MGAT5: variants seen among roughly 807,000 people sequenced by gnomAD.
The protein encoded by MGAT5 is alpha-1,6-mannosylglycoprotein 6-beta-N-acetylglucosaminyltransferase A.
MGAT5 carries 30 observed loss-of-function variants against 94.3 expected under a neutral mutation model. That is an observed-to-expected ratio of 0.32 (90% CI 0.24 to 0.43). MGAT5 has a LOEUF of 0.43. MGAT5 is among the 20% of genes least tolerant of loss of function. MGAT5 has a pLI of 1.00. For synonymous variants in MGAT5, 310 were observed against 322.9 expected, an observed-to-expected ratio of 0.96 and a Z score of 0.43; for missense variants, 691 against 905.5, an observed-to-expected ratio of 0.76 and a Z score of 3.04.
In MGAT5 at chr2:134,398,868, C is replaced by T. The variant is rs148874026; in HGVS notation, c.1381-4120C>T. On this transcript the variant is annotated intron_variant, in intron 10 of 15. Transcript: ENST00000281923. Reference sequence around the variant, plus strand: ...CCTATGTAGGAGCTAAAAAGGTGGCCCTCATGGAGGTAGAAAGTAGAATGA... The same window carrying T: ...CCTATGTAGGAGCTAAAAAGGTGGCTCTCATGGAGGTAGAAAGTAGAATGA... Among the ~76,000 whole-genome samples, 274 of 152,126 alleles carry T rather than the reference C, an allele frequency of 1.8e-3. 2 individuals carry two copies. The East Asian group carries it at 0.018, about 10-fold the overall frequency.
chr2:134,245,121 TCCTGCCTCAG>T (rs1682173056), intron 1 of MGAT5, among the ~76,000 whole-genome samples: 1 of 152,162 alleles, frequency 6.6e-6, no homozygotes, highest in Non-Finnish European at 1.5e-5. Context: ...CACGCCATTC[TCCTGCCTCAG>T]CCTCCCGAGT....
chr2:134,358,584 G>A (rs1054010447), intron 9 of MGAT5, among the ~76,000 whole-genome samples: 2 of 152,132 alleles, frequency 1.3e-5, no homozygotes, highest in African/African-American at 4.8e-5. Context: ...TAAGGAATGG[G>A]CCCAGGCTGG....
chr2:134,206,883 C>T (rs539391539), intron 1 of MGAT5, among the ~76,000 whole-genome samples: 4 of 152,214 alleles, frequency 2.6e-5, no homozygotes, highest in East Asian at 1.9e-4. Context: ...CCTACCCCTT[C>T]GCTTCTACCC....
intron 10 of MGAT5, among the ~76,000 whole-genome samples, chr2:134,376,863 C>T (rs1406550788): frequency 6.6e-6 from 1 of 152,210 alleles, no homozygotes. Flanking sequence ...CAGGGTAGGT[C>T]TTCCTACCAG....
intron 10 of MGAT5, among the ~76,000 whole-genome samples, chr2:134,382,917 T>C (rs1454247878): frequency 2.0e-5 from 3 of 152,370 alleles, no homozygotes; most frequent in African/African-American, 7.2e-5. Flanking sequence ...TGTAGTATCA[T>C]TAACACATAA....
At chr2:134,243,291 A>G (rs892741603) in intron 1 of MGAT5, among the ~76,000 whole-genome samples, 8 of 152,074 alleles carry the variant, frequency 5.3e-5, no homozygotes, top group African/African-American at 1.9e-4. Flanking sequence ...AGGTGATTCT[A>G]TGTACATCAT....
At chr2:134,336,893 ATTAAAAGC>A (rs1187683508) in intron 5 of MGAT5, among the ~76,000 whole-genome samples, 1 of 152,200 alleles carries the variant, frequency 6.6e-6, no homozygotes, top group Non-Finnish European at 1.5e-5. Context: ...TTGTTGCCAC[ATTAAAAGC>A]TTAAGTCTTT....
chr2:134,305,170 AT>A (rs943242156), intron 2 of MGAT5, among the ~76,000 whole-genome samples: 15 of 152,262 alleles, frequency 9.9e-5, no homozygotes, highest in African/African-American at 3.6e-4. Context: ...CTTGCAATTT[AT>A]TTTTCTGTTT....
chr2:134,216,722 A>C (rs1448822528), intron 1 of MGAT5, among the ~76,000 whole-genome samples: 2 of 152,216 alleles, frequency 1.3e-5, no homozygotes, highest in African/African-American at 2.4e-5. Context: ...ATCAATTTTT[A>C]TGCTGCTACT....
chr2:134,336,179 G>A (rs1394719682), intron 4 of MGAT5, 38 bp from the exon 5 acceptor site: 4 of 1,532,996 alleles, frequency 2.6e-6, no homozygotes, highest in Admixed American at 1.7e-5. Context: ...ATTCATTATA[G>A]ATGAAGCTGC....
intron 1 of MGAT5, chr2:134,127,028 T>C (rs1685871920): frequency 6.5e-6 from 1 of 154,160 alleles, no homozygotes; most frequent in African/African-American, 2.4e-5. Context: ...CTGTGTGATT[T>C]CTCTGTTTTC....
rs1425737765 is a variant in MGAT5, at chr2:134,254,137, A to AT, written c.-266dup. 1.4e-4 allele frequency: 81 copies of AT among 580,502 alleles called. No individual in the cohort carries two copies. The highest frequency in any genetic ancestry group is 1.2e-3 in the African/African-American group (62 of 53,724). The allele number at this position is 580,502 out of a possible 1,614,324, so 36.0% of individuals were successfully genotyped here. A position where few individuals can be genotyped will look rare whatever the true frequency, so the allele number is the denominator to read the frequency against. On this transcript the variant is annotated 5_prime_UTR_variant, in exon 1 of 16. Coordinates refer to ENST00000281923, the MANE Select transcript of MGAT5 (RefSeq NM_002410.5). ...CAGCTTACAGTTCCTGAATCATAAG[A>AT]TATTGAACCAGCAAATTTAAGAGTT...
At chr2:134,387,260 CAAAAATAAAAAAT>C (rs1474638190) in intron 10 of MGAT5, among the ~76,000 whole-genome samples, 188 of 116,594 alleles carry the variant, frequency 1.6e-3, no homozygotes, top group Non-Finnish European at 2.8e-3. Context: ...AACTCCATCT[CAAAAATAAAAAAT>C]AAAAATAAAA....
intron 2 of MGAT5, among the ~76,000 whole-genome samples, chr2:134,270,771 G>A (rs1457540688): frequency 6.6e-6 from 1 of 152,174 alleles, no homozygotes; most frequent in Admixed American, 6.5e-5. Context: ...TGGTTTGTGT[G>A]ACACATTTGC....
intron 1 of MGAT5, among the ~76,000 whole-genome samples, chr2:134,199,153 A>G (rs62165712): frequency 0.11 from 17,168 of 152,268 alleles, 1,008 homozygotes; most frequent in Middle Eastern, 0.15. Flanking sequence ...TTAAGCTGCT[A>G]TTTCTTGGGG....
chr2:134,370,487 G>T (rs995624628), intron 10 of MGAT5, among the ~76,000 whole-genome samples: 2 of 152,242 alleles, frequency 1.3e-5, no homozygotes, highest in African/African-American at 4.8e-5. Flanking sequence ...CCAACCAGAA[G>T]AACATTAAAA....
intron 1 of MGAT5, among the ~76,000 whole-genome samples, chr2:134,205,955 A>G (rs1295384685): frequency 6.6e-6 from 1 of 152,174 alleles, no homozygotes; most frequent in Non-Finnish European, 1.5e-5. Context: ...GTGATTAATA[A>G]CTGCTTAAAA....
intron 1 of MGAT5, among the ~76,000 whole-genome samples, chr2:134,223,034 T>C (rs186687133): frequency 6.6e-6 from 1 of 152,272 alleles, no homozygotes; most frequent in East Asian, 1.9e-4. Flanking sequence ...CAACTTATAA[T>C]TGGGAGTATT....
chr2:134,221,932 C>T lies in MGAT5; in HGVS notation c.-142-32330C>T, dbSNP rs555315606. On this transcript the variant is annotated intron_variant, in intron 1 of 16. Transcript: ENST00000409645. Reference sequence around the variant, plus strand: ...TCATTCCACAGAAGGCCAACAGCAGCAGGTCCCATGGCTCTAGGAACGCTC... The same window carrying T: ...TCATTCCACAGAAGGCCAACAGCAGTAGGTCCCATGGCTCTAGGAACGCTC... 7.0e-4 allele frequency among the ~76,000 whole-genome samples: 107 copies of T among 152,142 alleles called. No homozygotes were observed. In the South Asian group the frequency reaches 9.4e-3, roughly 13 times the overall value.
Sources: gnomAD v4.1 joint callset for allele counts (sites outside exome capture counted in the v4.1 genomes callset) on GRCh38, gnomAD v4.1.1 for gene constraint, MANE v1.5 for transcripts, NCBI Gene and HGNC (gene_info 2026-07-23, HGNC 2026-07-21) for gene names.